Variants in GXYLT2 observed in about 807,000 individuals in gnomAD.
GXYLT2 encodes the protein glucoside xylosyltransferase 2, also known as glycosyltransferase 8 domain containing 4.
In GXYLT2, 53 loss-of-function variants were observed where a neutral mutation model predicts 45.8. The observed-to-expected ratio is 1.16, with a 90% confidence interval of 0.93 to 1.46. GXYLT2 has a LOEUF of 1.46. GXYLT2 is among the 40% of genes most tolerant of loss of function. GXYLT2 has a pLI of 0.00. For missense variants in GXYLT2, 551 were observed against 544.4 expected (o/e 1.01, Z -0.12); for synonymous variants, 219 against 214.2 (o/e 1.02, Z -0.19).
rs1186323347 is a variant in GXYLT2, at chr3:72,908,292, T to C, written c.276-75T>C. 6.9e-6 allele frequency: 7 copies of C among 1,009,874 alleles called. No homozygotes were observed. The Admixed American group carries it at 2.0e-4, about 28-fold the overall frequency. 62.6% of individuals were successfully genotyped at this position (1,009,874 alleles called of 1,614,324 possible). Reference sequence around the variant, plus strand: ...ATCATGTTTTGAAATGTTCTAACCATTCACTCGCCGGTTTTTTGTTGTTTT... The same window carrying C: ...ATCATGTTTTGAAATGTTCTAACCACTCACTCGCCGGTTTTTTGTTGTTTT... On this transcript the variant is annotated intron_variant, in intron 1 of 6. Coordinates refer to ENST00000389617, the MANE Select transcript of GXYLT2 (RefSeq NM_001080393.2).
At chr3:72,959,639 C>T (rs1710731131) in intron 5 of GXYLT2, among the ~76,000 whole-genome samples, 1 of 148,982 alleles carries the variant, frequency 6.7e-6, no homozygotes, top group Non-Finnish European at 1.5e-5. Context: ...TAGGTTTCAT[C>T]TTTTTTTTTT....
chr3:72,959,810 C>T (rs962408852), intron 5 of GXYLT2, among the ~76,000 whole-genome samples: 8 of 150,966 alleles, frequency 5.3e-5, no homozygotes, highest in Non-Finnish European at 1.2e-4. Context: ...AATTTTTGTG[C>T]TTTTAGTAGA....
intron 6 of GXYLT2, among the ~76,000 whole-genome samples, chr3:72,968,206 T>G (rs1018861060): frequency 6.2e-4 from 95 of 152,168 alleles, no homozygotes; most frequent in African/African-American, 2.2e-3. Flanking sequence ...ACTCCTGACC[T>G]CAAGTGATCC....
At chr3:72,952,476 C>T (rs548698378) in intron 3 of GXYLT2, among the ~76,000 whole-genome samples, 148 of 152,228 alleles carry the variant, frequency 9.7e-4, no homozygotes, top group African/African-American at 3.4e-3. Context: ...ATACTTGTAT[C>T]GTGTAGCACC....
At chr3:72,919,568 A>G (rs894985616) in intron 2 of GXYLT2, among the ~76,000 whole-genome samples, 4 of 152,252 alleles carry the variant, frequency 2.6e-5, no homozygotes, top group Non-Finnish European at 4.4e-5. Context: ...CAGCCTGACC[A>G]ACATGGTGAA....
chr3:72,965,071 A>G (rs936490877), intron 5 of GXYLT2, among the ~76,000 whole-genome samples: 6 of 152,172 alleles, frequency 3.9e-5, no homozygotes, highest in African/African-American at 1.2e-4. Context: ...GATGGCCACT[A>G]CTCCATCCCA....
chr3:72,954,637 A>AAAAT (rs3078689), intron 3 of GXYLT2, among the ~76,000 whole-genome samples: 67,038 of 135,784 alleles, frequency 0.49, 17,458 homozygotes, highest in South Asian at 0.58. Context: ...CTCCATCTCA[A>AAAAT]AAATAAATAA....
chr3:72,915,431 A>T (rs541198389), intron 2 of GXYLT2, among the ~76,000 whole-genome samples: 10 of 145,650 alleles, frequency 6.9e-5, no homozygotes, highest in Non-Finnish European at 1.3e-4. Context: ...TTAAAGACGT[A>T]TACAATCGGA....
chr3:72,916,789 T>G (rs1709752156), intron 2 of GXYLT2, among the ~76,000 whole-genome samples: 1 of 151,520 alleles, frequency 6.6e-6, no homozygotes, highest in Non-Finnish European at 1.5e-5. Context: ...TCCCAAATTT[T>G]AGGATTACAG....
intron 3 of GXYLT2, among the ~76,000 whole-genome samples, chr3:72,937,899 A>G (rs1180831277): frequency 1.3e-5 from 2 of 152,184 alleles, no homozygotes; most frequent in Non-Finnish European, 2.9e-5. Context: ...AAGTTGGAAT[A>G]CTACACACTT....
At chr3:72,933,330 A>G (rs1360319369) in intron 3 of GXYLT2, among the ~76,000 whole-genome samples, 1 of 152,212 alleles carries the variant, frequency 6.6e-6, no homozygotes, top group Non-Finnish European at 1.5e-5. Context: ...TTTTGACTCC[A>G]GCATAATTAG....
chr3:72,902,618 T>C (rs1005086999), intron 1 of GXYLT2, among the ~76,000 whole-genome samples: 1 of 152,050 alleles, frequency 6.6e-6, no homozygotes, highest in Non-Finnish European at 1.5e-5. Context: ...GGGAGGATCA[T>C]TTGAGCCCAG....
intron 5 of GXYLT2, among the ~76,000 whole-genome samples, chr3:72,966,309 T>C (rs1252059489): frequency 1.3e-5 from 2 of 151,346 alleles, no homozygotes; most frequent in South Asian, 4.2e-4. Context: ...TTTTTTTTTT[T>C]TTCTTTGGTT....
chr3:72,922,414 TTTAAC>T, intron 3 of GXYLT2, 79 bp downstream of exon 3: 3 of 1,422,238 alleles, frequency 2.1e-6, no homozygotes, highest in Non-Finnish European at 2.9e-6. Flanking sequence ...TGTAGAAACA[TTTAAC>T]TTAACAGCTG....
intron 3 of GXYLT2, among the ~76,000 whole-genome samples, chr3:72,924,628 A>G (rs1019516301): frequency 1.3e-5 from 2 of 152,162 alleles, no homozygotes; most frequent in Non-Finnish European, 2.9e-5. Flanking sequence ...TGGTGAAGCC[A>G]GGTCACTAAC....
At chr3:72,967,480 C>T (rs878921073) in intron 5 of GXYLT2, 67 bp from the exon 6 acceptor site, 12 of 1,193,034 alleles carry the variant, frequency 1.0e-5, no homozygotes, top group South Asian at 1.3e-5. Flanking sequence ...ACAGTTTAAT[C>T]GTGCCACATG....
intron 3 of GXYLT2, among the ~76,000 whole-genome samples, chr3:72,946,554 G>A (rs1710410849): frequency 6.6e-6 from 1 of 152,142 alleles, no homozygotes; most frequent in Non-Finnish European, 1.5e-5. Flanking sequence ...TGTCTGGTGA[G>A]GACCTGCTTC....
chr3:72,955,337 TA>T lies in GXYLT2; in HGVS notation c.841del (p.Thr281ProfsTer7). 3 of 1,613,878 alleles carry T rather than the reference TA, an allele frequency of 1.9e-6. No homozygotes were observed. The highest frequency in any genetic ancestry group is 1.7e-6 in the Non-Finnish European group (2 of 1,179,808). On this transcript the variant is annotated frameshift_variant, in exon 4 of 7. Transcript: ENST00000389617. LOFTEE classifies it high-confidence loss of function. ...MLMNLTRIRS[T>X]QFKNSMIPTG... Reference sequence around the variant, plus strand: ...TAATGAATTTAACTCGGATAAGAAGTACCCAGTTCAAGGTAAACGAGTGCTT... The same window carrying T: ...TAATGAATTTAACTCGGATAAGAAGTCCCAGTTCAAGGTAAACGAGTGCTT...
intron 1 of GXYLT2, among the ~76,000 whole-genome samples, chr3:72,893,380 A>T (rs879444485): frequency 2.0e-5 from 3 of 151,560 alleles, no homozygotes; most frequent in Non-Finnish European, 4.4e-5. Flanking sequence ...TAACTCCTCC[A>T]TTTTTTTCAG....
Sources: gnomAD v4.1 joint callset for allele counts (sites outside exome capture counted in the v4.1 genomes callset) on GRCh38, gnomAD v4.1.1 for gene constraint, MANE v1.5 for transcripts, NCBI Gene and HGNC (gene_info 2026-07-23, HGNC 2026-07-21) for gene names.